STK3: variants seen among roughly 807,000 people sequenced by gnomAD.
STK3 encodes serine/threonine-protein kinase 3.
Under a neutral mutation model 58.0 loss-of-function variants are expected in STK3, and 41 were observed. The observed-to-expected ratio is 0.71, with a 90% CI of 0.55 to 0.92. STK3 has a LOEUF of 0.92. Ranked by LOEUF, STK3 falls within the 40% of genes least tolerant of loss-of-function variation. The pLI, the probability that STK3 is intolerant of heterozygous loss-of-function variation, is 0.00. For synonymous variants in STK3, 170 were observed against 191.0 expected (o/e 0.89, Z 0.91); for missense variants, 479 against 602.7 (o/e 0.79, Z 2.15).
chr8:98,481,973 G>A lies in STK3; in HGVS notation c.1318-25973C>T, dbSNP rs577867198. 4.6e-5 allele frequency among the ~76,000 whole-genome samples: 7 copies of A among 152,042 alleles called. No individual in the cohort carries two copies. In the East Asian group the frequency reaches 5.8e-4, roughly 13 times the overall value. On this transcript the variant is annotated intron_variant, in intron 10 of 10. Transcript: ENST00000419617. ...CAACTGAAGCTAGTTGAATTCTCAC[G>A]TTTCTCACACTCCCCTTGAGCTGGC...
At chr8:98,746,535 C>T (rs1040166568) in intron 4 of STK3, among the ~76,000 whole-genome samples, 1 of 152,056 alleles carries the variant, frequency 6.6e-6, no homozygotes, top group African/African-American at 2.4e-5. Flanking sequence ...ATCACTTGAG[C>T]CCAGGAGGCC....
At chr8:98,664,844 G>A (rs892818164) in intron 6 of STK3, among the ~76,000 whole-genome samples, 2 of 151,720 alleles carry the variant, frequency 1.3e-5, no homozygotes, top group African/African-American at 4.8e-5. Flanking sequence ...AGGTTGCAGT[G>A]AGCCAAGATC....
At chr8:98,776,197 G>A (rs1264027618) in intron 1 of STK3, among the ~76,000 whole-genome samples, 1 of 152,126 alleles carries the variant, frequency 6.6e-6, no homozygotes, top group Non-Finnish European at 1.5e-5. Flanking sequence ...CCTGGGAGGT[G>A]CTAATGCAGA....
intron 10 of STK3, among the ~76,000 whole-genome samples, chr8:98,466,208 T>C (rs1410512887): frequency 6.6e-6 from 1 of 152,190 alleles, no homozygotes; most frequent in Non-Finnish European, 1.5e-5. Context: ...AAACATTATA[T>C]GAGAAATATT....
At chr8:98,739,378 G>A (rs570504746) in intron 4 of STK3, among the ~76,000 whole-genome samples, 55 of 151,960 alleles carry the variant, frequency 3.6e-4, no homozygotes, top group East Asian at 9.7e-4. Context: ...ACACGGCCGG[G>A]TACTCCTCTG....
intron 1 of STK3, among the ~76,000 whole-genome samples, chr8:98,934,912 G>A (rs566617445): frequency 1.7e-4 from 22 of 127,056 alleles, no homozygotes; most frequent in African/African-American, 4.5e-4. Flanking sequence ...GCGAGACGCC[G>A]TCTCAAAAAT....
chr8:98,439,805 G>A (rs918608608), intron 1 of STK3, among the ~76,000 whole-genome samples: 1 of 152,212 alleles, frequency 6.6e-6, no homozygotes, highest in African/African-American at 2.4e-5. Context: ...GGCCAGCTCA[G>A]CACAATGAAG....
intron 8 of STK3, among the ~76,000 whole-genome samples, chr8:98,551,951 C>T (rs1371993169): frequency 6.6e-6 from 1 of 151,980 alleles, no homozygotes; most frequent in Non-Finnish European, 1.5e-5. Context: ...ACACTGAGGT[C>T]CACAGAAAAT....
At chr8:98,896,218 TAG>T (rs1233068014) in intron 1 of STK3, among the ~76,000 whole-genome samples, 2 of 152,258 alleles carry the variant, frequency 1.3e-5, no homozygotes, top group East Asian at 1.9e-4. Context: ...ATCTACAAAC[TAG>T]TACCCTATTA....
At chr8:98,598,240 T>G in intron 6 of STK3, 3 of 985,410 alleles carry the variant, frequency 3.0e-6, no homozygotes, top group Non-Finnish European at 3.6e-6. Flanking sequence ...TGAGTTGCAG[T>G]CTTATCTTGA....
intron 10 of STK3, among the ~76,000 whole-genome samples, chr8:98,511,842 T>A (rs1480046356): frequency 6.6e-6 from 1 of 152,162 alleles, no homozygotes; most frequent in Non-Finnish European, 1.5e-5. Flanking sequence ...TAAAGGTAAC[T>A]TTAAAGAAAT....
At chr8:98,584,993 T>C (rs1254194699) in intron 7 of STK3, among the ~76,000 whole-genome samples, 2 of 150,252 alleles carry the variant, frequency 1.3e-5, no homozygotes, top group Admixed American at 6.6e-5. Context: ...TTCTGGATAT[T>C]AGCCCTTTGT....
At chr8:98,375,282 A>C (rs77424064) in intron 2 of STK3, among the ~76,000 whole-genome samples, 116 of 121,202 alleles carry the variant, frequency 9.6e-4, no homozygotes, top group South Asian at 4.0e-3. Context: ...AAAAAAAAAC[A>C]AAAAAAAAAA....
the STK3 span, among the ~76,000 whole-genome samples, chr8:98,346,625 G>A: frequency 6.6e-6 from 1 of 151,838 alleles, no homozygotes; most frequent in African/African-American, 2.4e-5. Context: ...AAGGGACAAA[G>A]ATAAGGATAA....
At chr8:98,903,536 T>C (rs1009003263) in intron 1 of STK3, among the ~76,000 whole-genome samples, 18 of 29,566 alleles carry the variant, frequency 6.1e-4, no homozygotes, top group African/African-American at 3.6e-3. Flanking sequence ...CTTCTTCTTC[T>C]TCTTCTTCTT....
At chr8:98,383,761 G>A (rs959983489) in intron 1 of STK3, among the ~76,000 whole-genome samples, 2 of 152,104 alleles carry the variant, frequency 1.3e-5, no homozygotes, top group Non-Finnish European at 2.9e-5. Flanking sequence ...AATGTTTTTT[G>A]CTTTAAAGTA....
intron 1 of STK3, among the ~76,000 whole-genome samples, chr8:98,918,924 G>A (rs186353445): frequency 4.0e-5 from 6 of 151,824 alleles, no homozygotes; most frequent in Admixed American, 6.6e-5. Flanking sequence ...CATCAGGACC[G>A]GCCTGAGAGT....
At chr8:98,375,210 A>T (rs1010932723) in intron 2 of STK3, among the ~76,000 whole-genome samples, 2 of 151,286 alleles carry the variant, frequency 1.3e-5, no homozygotes, top group African/African-American at 2.4e-5. Flanking sequence ...AGCCATTATC[A>T]TGCTACTGTA....
intron 1 of STK3, chr8:98,438,892 A>C (rs1312036790): frequency 1.3e-5 from 2 of 152,462 alleles, no homozygotes; most frequent in Non-Finnish European, 2.9e-5. Flanking sequence ...GTGTCTGTGC[A>C]TCTGTGTGTG....
Sources: gnomAD v4.1 joint callset for allele counts (sites outside exome capture counted in the v4.1 genomes callset) on GRCh38, gnomAD v4.1.1 for gene constraint, MANE v1.5 for transcripts, NCBI Gene and HGNC (gene_info 2026-07-23, HGNC 2026-07-21) for gene names.